ZFPM1: variants seen among roughly 807,000 people sequenced by gnomAD.
ZFPM1 encodes the protein zinc finger protein ZFPM1.
Under a neutral mutation model 46.3 loss-of-function variants are expected in ZFPM1, and 28 were observed. The observed-to-expected ratio is 0.60, with a 90% confidence interval of 0.45 to 0.83. The LOEUF is 0.83. ZFPM1 is among the 40% of genes least tolerant of loss of function. The probability of loss-of-function intolerance (pLI) is 0.00; values close to 1 mark genes in which losing one functional copy is unlikely to be tolerated. For synonymous variants in ZFPM1, 957 were observed against 675.9 expected (o/e 1.42, Z -6.45); for missense variants, 1,878 against 1,432.4 (o/e 1.31, Z -5.02).
intron 2 of ZFPM1, among the ~76,000 whole-genome samples, chr16:88,488,250 G>A (rs1909348972): frequency 6.6e-6 from 1 of 152,086 alleles, no homozygotes; most frequent in Admixed American, 6.5e-5. Flanking sequence ...GCTTCCCGGG[G>A]AGCCAGGCTC....
At chr16:88,473,749 C>T (rs1412489663) in intron 1 of ZFPM1, among the ~76,000 whole-genome samples, 1 of 152,166 alleles carries the variant, frequency 6.6e-6, no homozygotes, top group Non-Finnish European at 1.5e-5. Context: ...CTCCCTGGGC[C>T]TCCGGCGGGC....
intron 1 of ZFPM1, among the ~76,000 whole-genome samples, chr16:88,466,243 G>C (rs1243019286): frequency 2.0e-5 from 3 of 152,212 alleles, no homozygotes; most frequent in African/African-American, 7.2e-5. Flanking sequence ...TGGCGGCCGT[G>C]GTTAGACAAC....
chr16:88,486,921 T>C (rs1388710345), intron 2 of ZFPM1, among the ~76,000 whole-genome samples: 1 of 152,152 alleles, frequency 6.6e-6, no homozygotes, highest in African/African-American at 2.4e-5. Flanking sequence ...CAGAGAAGTT[T>C]GGTGACTTGC....
chr16:88,462,027 C>A (rs979409353), intron 1 of ZFPM1, among the ~76,000 whole-genome samples: 2 of 152,372 alleles, frequency 1.3e-5, no homozygotes, highest in African/African-American at 4.8e-5. Flanking sequence ...GCCTCCCCAT[C>A]TCCTCCTCCC....
chr16:88,486,173 T>A (rs1458652955), intron 2 of ZFPM1, 130 bp downstream of exon 2: 1 of 972,188 alleles, frequency 1.0e-6, no homozygotes, highest in Non-Finnish European at 1.5e-6. Flanking sequence ...AGGACAGGCG[T>A]CTTCCAGCCA....
At position 88,533,510 on chromosome 16, in the gene ZFPM1, C is replaced by G. The variant is rs1375176731; in HGVS notation, c.1552C>G (p.Leu518Val). Residue 518 changes from leucine to valine, a missense_variant, in exon 10 of 10, where the codon CTG becomes GTG. Coordinates refer to ENST00000319555, the MANE Select transcript of ZFPM1 (RefSeq NM_153813.3). ...GGGCTCCAGCCCGGTGCCCGGCGAG[C>G]TGGGCCTGGCCGGGGCCCTGTTCCT... ...TPGSSPVPGELGLAGALFLPQ... is the reference protein window; with the variant it reads ...TPGSSPVPGEVGLAGALFLPQ... 1 of 1,412,828 alleles carries G rather than the reference C, an allele frequency of 7.1e-7. No homozygotes were observed. Among genetic ancestry groups the G allele is most frequent in the Non-Finnish European group, 9.2e-7 (1 of 1,088,680 alleles). 87.5% of individuals were successfully genotyped at this position (1,412,828 alleles called of 1,614,324 possible). A position where few individuals can be genotyped will look rare whatever the true frequency, so the allele number is the denominator to read the frequency against.
rs543175263 is a variant in ZFPM1 at position 88,534,601 on chromosome 16, C to T, written c.2643C>T (p.Leu881=). Residue 881 remains leucine, a synonymous_variant, in exon 10 of 10, where the codon CTC becomes CTT. Coordinates refer to ENST00000319555, the MANE Select transcript of ZFPM1 (RefSeq NM_153813.3). ...TCCGCCTGGCGCACGGCCTGCTGCT[C>T]GGCGCGCCCCTGGCCGGCCCGGGGG... is the stretch of plus-strand genomic sequence containing the variant. ...EHFRLAHGLL[L]GAPLAGPGVE... 2.1e-3 allele frequency: 2,541 copies of T among 1,212,258 alleles called. 3 individuals carry two copies. Among genetic ancestry groups the T allele is most frequent in the Middle Eastern group, 3.7e-3 (11 of 2,992 alleles). 75.1% of individuals were successfully genotyped at this position (1,212,258 alleles called of 1,614,324 possible). A position where few individuals can be genotyped will look rare whatever the true frequency, so the allele number is the denominator to read the frequency against.
chr16:88,498,311 G>A (rs923997951), intron 3 of ZFPM1, among the ~76,000 whole-genome samples: 1 of 152,212 alleles, frequency 6.6e-6, no homozygotes, highest in African/African-American at 2.4e-5. Context: ...CCCTTCCCCG[G>A]AGGTTTGCTG....
intron 3 of ZFPM1, among the ~76,000 whole-genome samples, chr16:88,489,822 C>G (rs1337644708): frequency 6.6e-6 from 1 of 152,206 alleles, no homozygotes; most frequent in African/African-American, 2.4e-5. Flanking sequence ...TACTGGCAGT[C>G]AGGTTGTTTC....
At chr16:88,498,654 G>A (rs560585386) in intron 3 of ZFPM1, among the ~76,000 whole-genome samples, 2 of 152,350 alleles carry the variant, frequency 1.3e-5, no homozygotes, top group South Asian at 4.1e-4. Context: ...AGGGGCGTCT[G>A]GAAACGGTGT....
chr16:88,507,736 G>A (rs1274182519), intron 3 of ZFPM1, among the ~76,000 whole-genome samples: 1 of 152,192 alleles, frequency 6.6e-6, no homozygotes, highest in Non-Finnish European at 1.5e-5. Flanking sequence ...AAGGCCCCCT[G>A]CAGAGAGCCA....
At chr16:88,457,907 C>G (rs1026433317) in intron 1 of ZFPM1, among the ~76,000 whole-genome samples, 2 of 152,196 alleles carry the variant, frequency 1.3e-5, no homozygotes, top group African/African-American at 4.8e-5. Flanking sequence ...CGTCACCCAG[C>G]TCTGGGCCGA....
At chr16:88,517,963 C>G (rs542385764) in intron 4 of ZFPM1, among the ~76,000 whole-genome samples, 2 of 151,770 alleles carry the variant, frequency 1.3e-5, no homozygotes, top group African/African-American at 4.8e-5. Flanking sequence ...GTAATCCCAG[C>G]ACTTTGGGAG....
At chr16:88,462,616 C>A (rs764289481) in intron 1 of ZFPM1, among the ~76,000 whole-genome samples, 1 of 152,186 alleles carries the variant, frequency 6.6e-6, no homozygotes, top group African/African-American at 2.4e-5. Context: ...GCAGCCACCG[C>A]GGGCTTCCGG....
intron 6 of ZFPM1, among the ~76,000 whole-genome samples, chr16:88,530,165 G>A (rs913778465): frequency 8.5e-5 from 13 of 152,168 alleles, no homozygotes; most frequent in Admixed American, 8.5e-4. Context: ...CGGGGTGCCC[G>A]GGAGACCCAA....
At chr16:88,505,791 G>A (rs557951069) in intron 3 of ZFPM1, among the ~76,000 whole-genome samples, 3 of 152,282 alleles carry the variant, frequency 2.0e-5, no homozygotes, top group African/African-American at 7.2e-5. Context: ...CTGGTGGGCG[G>A]GTGCTTGGAG....
chr16:88,522,627 C>A (rs536892183), intron 4 of ZFPM1, among the ~76,000 whole-genome samples: 1 of 152,362 alleles, frequency 6.6e-6, no homozygotes, highest in Non-Finnish European at 1.5e-5. Context: ...ACCGCAGAAT[C>A]AAGACACTGA....
intron 3 of ZFPM1, among the ~76,000 whole-genome samples, chr16:88,498,660 G>A (rs1053926345): frequency 5.3e-5 from 8 of 152,346 alleles, no homozygotes; most frequent in Admixed American, 2.0e-4. Flanking sequence ...GTCTGGAAAC[G>A]GTGTCCCAGG....
intron 1 of ZFPM1, among the ~76,000 whole-genome samples, chr16:88,463,730 T>C (rs559807787): frequency 9.2e-5 from 14 of 152,324 alleles, no homozygotes; most frequent in African/African-American, 2.6e-4. Context: ...GTGGTTTTCA[T>C]AGGAGACCTT....
Sources: gnomAD v4.1 joint callset for allele counts (sites outside exome capture counted in the v4.1 genomes callset) on GRCh38, gnomAD v4.1.1 for gene constraint, MANE v1.5 for transcripts, NCBI Gene and HGNC (gene_info 2026-07-23, HGNC 2026-07-21) for gene names.